ASIC2: variants seen among roughly 807,000 people sequenced by gnomAD.
ASIC2 encodes acid-sensing ion channel 2.
A neutral mutation model predicts 57.3 loss-of-function variants in ASIC2; 25 were observed. The observed-to-expected ratio is 0.44, with a 90% CI of 0.32 to 0.61. ASIC2 has a LOEUF of 0.61. Among genes scored for constraint, ASIC2 ranks in the 20% least tolerant of loss-of-function variants. The probability of loss-of-function intolerance (pLI) is 0.06; values close to 1 mark genes in which losing one functional copy is unlikely to be tolerated. For missense variants in ASIC2, 641 were observed against 738.1 expected, an observed-to-expected ratio of 0.87 and a Z score of 1.52; for synonymous variants, 319 against 307.5, an observed-to-expected ratio of 1.04 and a Z score of -0.39.
chr17:34,031,590 T>C (rs1343988131), intron 1 of ASIC2, among the ~76,000 whole-genome samples: 1 of 151,948 alleles, frequency 6.6e-6, no homozygotes, highest in Non-Finnish European at 1.5e-5. Context: ...TTCGAACCAA[T>C]GGCAAAGAAG....
At chr17:33,266,223 C>T (rs1909453427) in intron 1 of ASIC2, among the ~76,000 whole-genome samples, 1 of 152,222 alleles carries the variant, frequency 6.6e-6, no homozygotes, top group Non-Finnish European at 1.5e-5. Flanking sequence ...GTATACAACA[C>T]ACATGTGTTT....
At chr17:33,014,581 T>C (rs535631727) in intron 9 of ASIC2, among the ~76,000 whole-genome samples, 7 of 152,044 alleles carry the variant, frequency 4.6e-5, no homozygotes, top group African/African-American at 1.2e-4. Context: ...GGCAATGTAG[T>C]TGTGGGTCCC....
At chr17:33,864,579 C>A (rs1010343292) in intron 1 of ASIC2, among the ~76,000 whole-genome samples, 1 of 152,116 alleles carries the variant, frequency 6.6e-6, no homozygotes, top group African/African-American at 2.4e-5. Flanking sequence ...CCAAAGAGTT[C>A]TTTTAATGGT....
At chr17:33,130,654 C>T (rs73277832) in intron 1 of ASIC2, among the ~76,000 whole-genome samples, 2,541 of 152,272 alleles carry the variant, frequency 0.017, 69 homozygotes, top group African/African-American at 0.058. Context: ...GGGGACTAAG[C>T]GGATAACCTT....
At chr17:33,152,775 A>G (rs1378843157) in intron 1 of ASIC2, among the ~76,000 whole-genome samples, 1 of 152,220 alleles carries the variant, frequency 6.6e-6, no homozygotes, top group Non-Finnish European at 1.5e-5. Flanking sequence ...GTGAGTTACA[A>G]TGCACATTAG....
intron 1 of ASIC2, chr17:34,038,933 T>G: frequency 1.2e-6 from 2 of 1,612,810 alleles, no homozygotes; most frequent in Non-Finnish European, 8.5e-7. Context: ...AGCATAACCA[T>G]CTGTCCACTG....
At chr17:33,491,327 C>T (rs988469265) in intron 1 of ASIC2, among the ~76,000 whole-genome samples, 5 of 152,098 alleles carry the variant, frequency 3.3e-5, no homozygotes, top group Non-Finnish European at 1.5e-5. Context: ...GCACCCAGGC[C>T]CAAGGGCTAC....
chr17:33,091,254 A>G (rs1468329416), intron 2 of ASIC2, among the ~76,000 whole-genome samples: 3 of 152,196 alleles, frequency 2.0e-5, no homozygotes, highest in Admixed American at 6.5e-5. Flanking sequence ...TGTGTTTTCA[A>G]AAGTCTGTCC....
intron 1 of ASIC2, among the ~76,000 whole-genome samples, chr17:33,951,541 G>A (rs926802462): frequency 6.6e-6 from 1 of 151,784 alleles, no homozygotes; most frequent in Non-Finnish European, 1.5e-5. Flanking sequence ...GTGCCTATAC[G>A]CTATACCTAT....
upstream of ASIC2, among the ~76,000 whole-genome samples, chr17:33,296,628 GAA>G (rs1205490361): frequency 1.3e-5 from 2 of 152,200 alleles, no homozygotes; most frequent in African/African-American, 2.4e-5. Flanking sequence ...GCAGTGGCAG[GAA>G]AGTCTTCTGG....
chr17:33,324,915 A>G (rs913889845), intron 1 of ASIC2, among the ~76,000 whole-genome samples: 5 of 152,242 alleles, frequency 3.3e-5, no homozygotes, highest in African/African-American at 1.2e-4. Flanking sequence ...GAGATGTGAC[A>G]TAACTTGCCA....
At position 34,039,073 on chromosome 17, in the gene ASIC2, A is replaced by G. The variant is rs545399621; in HGVS notation, c.555+116905T>C. The G allele has an allele frequency of 6.2e-4, 995 of 1,614,104 alleles. 1 individual carries two copies. The highest frequency in any genetic ancestry group is 5.9e-3 in the Middle Eastern group (36 of 6,060). On this transcript the variant is annotated intron_variant, in intron 1 of 9. Transcript: ENST00000359872. ...TATAAGGAGTTTCTTGCTCATTGTC[A>G]CACATCTATTTAATCGTTCCTTGTA...
intron 1 of ASIC2, among the ~76,000 whole-genome samples, chr17:33,643,795 G>T (rs1278071385): frequency 6.6e-6 from 1 of 152,164 alleles, no homozygotes; most frequent in African/African-American, 2.4e-5. Context: ...GTAAAGCATT[G>T]ACTTGGGGCC....
chr17:33,679,491 T>A (rs1048436672), intron 1 of ASIC2, among the ~76,000 whole-genome samples: 4 of 152,224 alleles, frequency 2.6e-5, no homozygotes, highest in Non-Finnish European at 4.4e-5. Flanking sequence ...TGTACTGGGC[T>A]CTGTGGTCCT....
chr17:33,728,667 G>T (rs1909639959), intron 1 of ASIC2, among the ~76,000 whole-genome samples: 1 of 152,122 alleles, frequency 6.6e-6, no homozygotes, highest in Non-Finnish European at 1.5e-5. Context: ...GAGGGTCTGA[G>T]GACCCAGGAA....
rs529323161 is a variant in ASIC2 at position 33,944,317 on chromosome 17, AGCC to A, written c.555+211658_555+211660del. On this transcript the variant is annotated intron_variant, in intron 1 of 9. Coordinates refer to the ASIC2 transcript ENST00000359872. The stretch of plus-strand genomic sequence containing the variant: ...GAGAAGAACTCCTATGAGACTACCC[AGCC>A]CTGGGCAGCAACAGCAGGAGAAACA... Among the ~76,000 whole-genome samples the A allele has an allele frequency of 1.5e-4, 23 of 152,352 alleles. No individual in the cohort carries two copies. In the South Asian group the frequency reaches 4.8e-3, roughly 32 times the overall value.
chr17:33,323,794 AC>A (rs1236545039), intron 1 of ASIC2, among the ~76,000 whole-genome samples: 2 of 152,238 alleles, frequency 1.3e-5, no homozygotes, highest in Non-Finnish European at 2.9e-5. Context: ...TATATAAGGT[AC>A]AAAAACAGGC....
intron 1 of ASIC2, among the ~76,000 whole-genome samples, chr17:33,956,993 G>A (rs1044928435): frequency 6.6e-5 from 10 of 152,232 alleles, no homozygotes; most frequent in African/African-American, 2.2e-4. Context: ...CTGCTGCCCT[G>A]ACTGCTCACC....
intron 1 of ASIC2, among the ~76,000 whole-genome samples, chr17:33,156,766 AAAAC>A (rs543977098): frequency 2.2e-4 from 34 of 152,224 alleles, no homozygotes; most frequent in African/African-American, 4.8e-4. Context: ...AAAAAAAACA[AAAAC>A]AAACAAACAA....
Sources: gnomAD v4.1 joint callset for allele counts (sites outside exome capture counted in the v4.1 genomes callset) on GRCh38, gnomAD v4.1.1 for gene constraint, MANE v1.5 for transcripts, NCBI Gene and HGNC (gene_info 2026-07-23, HGNC 2026-07-21) for gene names.